RFX2: variants seen among roughly 807,000 people sequenced by gnomAD.
RFX2 encodes the protein DNA-binding protein RFX2.
RFX2 carries 20 observed loss-of-function variants against 87.8 expected under a neutral mutation model. The ratio of observed to expected loss-of-function variants is 0.23; its 90% CI spans 0.16 to 0.33. RFX2 has a LOEUF of 0.33. Among genes scored for constraint, RFX2 ranks in the 10% least tolerant of loss-of-function variants. The pLI is 1.00. For missense variants in RFX2, 767 were observed against 1,012.3 expected, an observed-to-expected ratio of 0.76 and a Z score of 3.29; for synonymous variants, 397 against 431.3, an observed-to-expected ratio of 0.92 and a Z score of 0.98.
chr19:6,004,112 C>G lies in RFX2; in HGVS notation c.1500+89G>C. 1.0e-6 allele frequency: 1 copy of G among 1,002,236 alleles called. No individual in the cohort carries two copies. The highest frequency in any genetic ancestry group is 1.6e-6 in the Non-Finnish European group (1 of 626,368). 62.1% of individuals were successfully genotyped at this position (1,002,236 alleles called of 1,614,324 possible). On this transcript the variant is annotated intron_variant, in intron 13 of 17. Transcript: ENST00000303657. This position sits in a 1 kb window ranked among gnomAD's most constrained non-coding sequence, Gnocchi z 4.8. ...TCATGACGCAGGGAAGAAGCCAGCG[C>G]TCTCTGGGACACAGTGGTCCTCATG...
At chr19:6,049,685 T>A (rs1415274928) in intron 1 of RFX2, among the ~76,000 whole-genome samples, 1 of 152,188 alleles carries the variant, frequency 6.6e-6, no homozygotes, top group Admixed American at 6.5e-5. Context: ...CCCACCATCA[T>A]GCCTGGCTAA....
chr19:6,087,720 A>G (rs1007414536), intron 1 of RFX2, among the ~76,000 whole-genome samples: 3 of 152,208 alleles, frequency 2.0e-5, no homozygotes, highest in Admixed American at 1.3e-4. Flanking sequence ...TGCAGAATTT[A>G]TTTTGATTTG....
chr19:6,006,919 G>T, intron 12 of RFX2, 93 bp downstream of exon 12: 2 of 1,447,864 alleles, frequency 1.4e-6, no homozygotes, highest in Non-Finnish European at 1.9e-6. Context: ...GAAAGCGATG[G>T]TCTGAGGTGG....
Position 6,045,711 on chromosome 19 carries a change from G to A in RFX2, c.91-1429C>T, listed in dbSNP as rs572589285. Among the ~76,000 whole-genome samples the A allele has an allele frequency of 1.3e-5, 2 of 151,476 alleles. No individual in the cohort carries two copies. Among genetic ancestry groups the A allele is most frequent in the East Asian group, 1.9e-4 (1 of 5,162 alleles). ...TTTGGGACGGATTTTTGCTCTTGTC[G>A]CCCAGGCTGAAGTGCGATGGCACGA... On this transcript the variant is annotated intron_variant, in intron 2 of 17. Coordinates refer to ENST00000303657, the MANE Select transcript of RFX2 (RefSeq NM_000635.4). This position sits in a 1 kb window ranked among gnomAD's most constrained non-coding sequence, Gnocchi z 5.2.
intron 13 of RFX2, among the ~76,000 whole-genome samples, chr19:6,003,806 A>C (rs1160805111): frequency 1.4e-5 from 2 of 144,846 alleles, no homozygotes; most frequent in Non-Finnish European, 3.0e-5. Context: ...AAAAAAAAAA[A>C]AAGAAATGCT....
At position 6,002,952 on chromosome 19, in the gene RFX2, A is replaced by T; in HGVS notation, c.1501-82T>A. ...GCTCCTTGCAGGGGTGTGTGGGCTC[A>T]GGGACAACACAGGGAGGAGGGAGCA... On this transcript the variant is annotated intron_variant, in intron 13 of 17. Transcript: ENST00000303657. The surrounding 1 kb of genome is among the most constrained non-coding windows in gnomAD (Gnocchi z 6.7). 6.8e-7 allele frequency: 1 copy of T among 1,468,926 alleles called. No homozygotes were observed. Among genetic ancestry groups the T allele is most frequent in the Non-Finnish European group, 9.2e-7 (1 of 1,089,690 alleles). The allele number at this position is 1,468,926 out of a possible 1,614,324, so 91.0% of individuals were successfully genotyped here. A position where few individuals can be genotyped will look rare whatever the true frequency, so the allele number is the denominator to read the frequency against.
intron 5 of RFX2, among the ~76,000 whole-genome samples, chr19:6,031,581 C>T (rs1244599381): frequency 1.3e-5 from 2 of 151,714 alleles, no homozygotes; most frequent in African/African-American, 4.8e-5. Flanking sequence ...AGGTGCCCGC[C>T]ACCATGCTCA....
At position 6,017,864 on chromosome 19, in the gene RFX2, G is replaced by T. The variant is rs953223201; in HGVS notation, c.598-1593C>A. On this transcript the variant is annotated intron_variant, in intron 6 of 17. Transcript: ENST00000303657. The surrounding 1 kb of genome is among the most constrained non-coding windows in gnomAD (Gnocchi z 4.1). ...GAAATATCTGTCCACTCACCACAGCGTACCCATGGCACCCCCCCGCCCCAC... is the reference window on the plus strand; with the variant it reads ...GAAATATCTGTCCACTCACCACAGCTTACCCATGGCACCCCCCCGCCCCAC... Among the ~76,000 whole-genome samples, 8 of 151,644 alleles carry T rather than the reference G, an allele frequency of 5.3e-5. No individual in the cohort carries two copies. Among genetic ancestry groups the T allele is most frequent in the Admixed American group, 5.3e-4 (8 of 15,228 alleles).
Position 5,997,027 on chromosome 19 carries a change from A to G in RFX2, c.2013+33T>C, listed in dbSNP as rs376772701. 10 of 1,587,490 alleles carry G rather than the reference A, an allele frequency of 6.3e-6. No individual in the cohort carries two copies. Among genetic ancestry groups the G allele is most frequent in the Middle Eastern group, 3.4e-4 (2 of 5,956 alleles). On this transcript the variant is annotated intron_variant, in intron 16 of 17. Coordinates refer to ENST00000303657, the MANE Select transcript of RFX2 (RefSeq NM_000635.4). This position sits in a 1 kb window ranked among gnomAD's most constrained non-coding sequence, Gnocchi z 4.2. ...CGCCCTCTCCCCACAGGCCCGGCCA[A>G]GCCCCGGCCGTCCCACCCAGGAGGG...
intron 17 of RFX2, 138 bp from the exon 18 acceptor site, chr19:5,995,088 G>A: frequency 2.9e-6 from 2 of 684,440 alleles, no homozygotes; most frequent in Non-Finnish European, 2.5e-6. Context: ...ACCCCACCTC[G>A]GCCTCTGCTC....
Position 6,024,229 on chromosome 19 carries a change from C to G in RFX2, c.597+1934G>C, listed in dbSNP as rs1276326341. 6.6e-6 allele frequency among the ~76,000 whole-genome samples: 1 copy of G among 152,210 alleles called. No homozygotes were observed. The highest frequency in any genetic ancestry group is 1.5e-5 in the Non-Finnish European group (1 of 68,046). ...GCGTTCAGGCTGAAGATGGCCTGATCCTTGCTGAATGGGGAATGGTATTCT... is the reference window on the plus strand; with the variant it reads ...GCGTTCAGGCTGAAGATGGCCTGATGCTTGCTGAATGGGGAATGGTATTCT... On this transcript the variant is annotated intron_variant, in intron 6 of 17. Transcript: ENST00000303657. The surrounding 1 kb of genome is among the most constrained non-coding windows in gnomAD (Gnocchi z 5.0).
In RFX2 at chr19:6,007,442, T is replaced by C. The variant is rs1321519156; in HGVS notation, c.1247+248A>G. Among the ~76,000 whole-genome samples, 1 of 152,194 alleles carries C rather than the reference T, an allele frequency of 6.6e-6. No individual in the cohort carries two copies. Among genetic ancestry groups the C allele is most frequent in the Non-Finnish European group, 1.5e-5 (1 of 68,030 alleles). ...TGCAGCTATGGGTTGGGGTCACTTCTACTTGGGATTGCATCATGGTCACCT... is the reference window on the plus strand; with the variant it reads ...TGCAGCTATGGGTTGGGGTCACTTCCACTTGGGATTGCATCATGGTCACCT... On this transcript the variant is annotated intron_variant, in intron 11 of 17. Coordinates refer to ENST00000303657, the MANE Select transcript of RFX2 (RefSeq NM_000635.4). The surrounding 1 kb of genome is among the most constrained non-coding windows in gnomAD (Gnocchi z 8.2).
chr19:6,053,894 T>G (rs899500183), intron 1 of RFX2, among the ~76,000 whole-genome samples: 4 of 146,254 alleles, frequency 2.7e-5, no homozygotes, highest in African/African-American at 1.0e-4. Flanking sequence ...AGGCAGAGGT[T>G]GCAGTGAGCT....
Position 6,042,107 on chromosome 19 carries a change from T to G in RFX2, c.197A>C (p.His66Pro). 1 of 1,613,930 alleles carries G rather than the reference T, an allele frequency of 6.2e-7. No individual in the cohort carries two copies. The highest frequency in any genetic ancestry group is 8.5e-7 in the Non-Finnish European group (1 of 1,180,010). The change falls in exon 4 of 18, where the codon CAC (histidine) becomes CCC (proline). Residue 66 changes from histidine to proline, a missense_variant. By Grantham distance (77) the His-to-Pro change is moderately conservative. This residue lies in a region of RFX2 where 146 missense variants were observed against 139.2 expected (regional missense o/e 1.05). Coordinates refer to ENST00000303657, the MANE Select transcript of RFX2 (RefSeq NM_000635.4). Reference sequence around the variant, plus strand: ...GTACTGCACCTGGGCAGGATACACGTGCTGCACCGGCTGCACCTGAAACAT... The same window carrying G: ...GTACTGCACCTGGGCAGGATACACGGGCTGCACCGGCTGCACCTGAAACAT... ...QVPQQVQPVQ[H>P]VYPAQVQYVE...
chr19:5,997,069 C>G lies in RFX2; in HGVS notation c.2004G>C (p.Val668=), dbSNP rs754873437. The G allele has an allele frequency of 2.8e-5, 45 of 1,610,938 alleles. No individual in the cohort carries two copies. Among genetic ancestry groups the G allele is most frequent in the Non-Finnish European group, 3.6e-5 (43 of 1,179,512 alleles). ...AEATGETPIA[V]MGEFNDLASL... is the part of the protein sequence containing the mutation. ...CCAGGAGGGTCCTCACCTCTCCCATCACAGCGATCGGCGTCTCTCCGGTGG... is the reference window on the plus strand; with the variant it reads ...CCAGGAGGGTCCTCACCTCTCCCATGACAGCGATCGGCGTCTCTCCGGTGG... The change falls in exon 16 of 18, where the codon GTG becomes GTC. Residue 668 remains valine (V), a synonymous_variant. Transcript: ENST00000303657. The surrounding 1 kb of genome is among the most constrained non-coding windows in gnomAD (Gnocchi z 4.2).
rs34110529 is a variant in RFX2, at chr19:6,098,965, CAAA to C, written c.-9+11425_-9+11427del. Among the ~76,000 whole-genome samples the C allele has an allele frequency of 4.1e-3, 215 of 52,728 alleles. 1 individual carries two copies. Among genetic ancestry groups the C allele is most frequent in the Non-Finnish European group, 6.9e-3 (159 of 23,082 alleles). 34.6% of individuals were successfully genotyped at this position (52,728 alleles called of 152,430 possible). On this transcript the variant is annotated intron_variant, in intron 1 of 17. Transcript: ENST00000303657. ...AATCTTTCACAAACTGCTTGAACCA[CAAA>C]AAAAAAAAAAAAAAAAAAAAAAAAA...
intron 1 of RFX2, among the ~76,000 whole-genome samples, chr19:6,096,486 T>A (rs868093348): frequency 2.0e-5 from 3 of 152,084 alleles, no homozygotes; most frequent in Non-Finnish European, 4.4e-5. Flanking sequence ...TTGCTCTGTC[T>A]CCCAGGCTGG....
At position 6,026,152 on chromosome 19, in the gene RFX2, C is replaced by T. The variant is rs377655842; in HGVS notation, c.597+11G>A. The T allele has an allele frequency of 1.0e-4, 169 of 1,610,530 alleles. No individual in the cohort carries two copies. In the African/African-American group the frequency reaches 2.0e-3, roughly 19 times the overall value. ...AGCAGGGACAGGTTGCCAGGTCAGA[C>T]GCACACTTACATGGCTGTTGAGTAA... On this transcript the variant is annotated intron_variant, in intron 6 of 17. Coordinates refer to ENST00000303657, the MANE Select transcript of RFX2 (RefSeq NM_000635.4). The surrounding 1 kb of genome is among the most constrained non-coding windows in gnomAD (Gnocchi z 4.5).
intron 1 of RFX2, among the ~76,000 whole-genome samples, chr19:6,065,522 C>T (rs1031611563): frequency 1.3e-5 from 2 of 152,096 alleles, no homozygotes; most frequent in East Asian, 3.9e-4. Context: ...TGGCGGGCGC[C>T]TGTAGTCCCA....
Sources: gnomAD v4.1 joint callset for allele counts (sites outside exome capture counted in the v4.1 genomes callset) on GRCh38, gnomAD v4.1.1 for gene constraint, gnomAD v4.1.1 regional missense constraint, Gnocchi (gnomAD v3.1) non-coding constraint, MANE v1.5 for transcripts, NCBI Gene and HGNC (gene_info 2026-07-23, HGNC 2026-07-21) for gene names.